GASK1B: variants seen among roughly 807,000 people sequenced by gnomAD.
GASK1B encodes Golgi-associated kinase 1B.
Under a neutral mutation model 42.8 loss-of-function variants are expected in GASK1B, and 34 were observed. That is an observed-to-expected ratio of 0.79 (90% CI 0.60 to 1.06). The LOEUF is 1.06. Among genes scored for constraint, GASK1B ranks in the 50% least tolerant of loss-of-function variants. The pLI, the probability that GASK1B is intolerant of heterozygous loss-of-function variation, is 0.00. For synonymous variants in GASK1B, 262 were observed against 259.1 expected, an observed-to-expected ratio of 1.01 and a Z score of -0.11; for missense variants, 686 against 661.0, an observed-to-expected ratio of 1.04 and a Z score of -0.42.
intron 3 of GASK1B, among the ~76,000 whole-genome samples, chr4:158,154,467 T>C (rs1731682402): frequency 6.6e-6 from 1 of 152,064 alleles, no homozygotes; most frequent in Non-Finnish European, 1.5e-5. Context: ...CTTAAAGAAC[T>C]AAAAGTAGAT....
At chr4:158,146,574 T>G (rs1471275833) in intron 3 of GASK1B, among the ~76,000 whole-genome samples, 1 of 152,154 alleles carries the variant, frequency 6.6e-6, no homozygotes, top group South Asian at 2.1e-4. Flanking sequence ...TTATTCCTAT[T>G]TTACAGATGA....
intron 3 of GASK1B, among the ~76,000 whole-genome samples, chr4:158,144,831 C>T (rs2110964419): frequency 6.6e-6 from 1 of 152,292 alleles, no homozygotes; most frequent in Middle Eastern, 3.4e-3. Flanking sequence ...CATTCGTTTG[C>T]TTGAACTTAC....
chr4:158,131,497 C>T (rs1044871966), intron 3 of GASK1B, among the ~76,000 whole-genome samples: 4 of 152,142 alleles, frequency 2.6e-5, no homozygotes, highest in Non-Finnish European at 5.9e-5. Flanking sequence ...AACTTGAAAT[C>T]ACATAGAAGA....
intron 2 of GASK1B, chr4:158,168,385 T>G (rs1481257004): frequency 6.6e-6 from 1 of 152,202 alleles, no homozygotes; most frequent in Non-Finnish European, 1.5e-5. Context: ...TGAGCAGTTT[T>G]AGTCATAGTC....
intron 4 of GASK1B, among the ~76,000 whole-genome samples, chr4:158,128,197 C>T (rs1253821421): frequency 6.6e-6 from 1 of 152,102 alleles, no homozygotes; most frequent in African/African-American, 2.4e-5. Context: ...ACTCCTGGAG[C>T]TCTGAGGATT....
At chr4:158,152,933 A>T (rs558485722) in intron 3 of GASK1B, among the ~76,000 whole-genome samples, 5 of 152,182 alleles carry the variant, frequency 3.3e-5, no homozygotes, top group Non-Finnish European at 7.4e-5. Context: ...CCCCCTGAAA[A>T]CTGGAACAAG....
Position 158,170,327 on chromosome 4 carries a change from A to G in GASK1B, c.910+139T>C, listed in dbSNP as rs376585720. 2.5e-6 allele frequency: 4 copies of G among 1,614,160 alleles called. No individual in the cohort carries two copies. In the African/African-American group the frequency reaches 4.0e-5, roughly 16 times the overall value. ...AAAATAAAGAATGCCAAGCGCATGG[A>G]AAGACACGCTGCTGCTGCTGCTGTC... On this transcript the variant is annotated intron_variant, in intron 2 of 4. Transcript: ENST00000585682.
intron 3 of GASK1B, 90 bp from the exon 4 acceptor site, chr4:158,131,102 T>A: frequency 9.2e-7 from 1 of 1,083,716 alleles, no homozygotes; most frequent in South Asian, 1.5e-5. Flanking sequence ...GCTTTCTGAA[T>A]AGCTGACTTG....
intron 3 of GASK1B, 30 bp from the exon 4 acceptor site, chr4:158,131,042 G>A (rs746606685): frequency 1.3e-6 from 2 of 1,576,790 alleles, no homozygotes; most frequent in Non-Finnish European, 1.7e-6. Flanking sequence ...AATCCAAGAT[G>A]CTGAGTGAAA....
chr4:158,159,203 G>C (rs1407988096), intron 2 of GASK1B, among the ~76,000 whole-genome samples: 1 of 152,096 alleles, frequency 6.6e-6, no homozygotes, highest in Non-Finnish European at 1.5e-5. Context: ...CTAGAAATCA[G>C]TGCACCTCAG....
intron 3 of GASK1B, among the ~76,000 whole-genome samples, chr4:158,131,801 T>C (rs1730693784): frequency 6.6e-6 from 1 of 152,218 alleles, no homozygotes; most frequent in South Asian, 2.1e-4. Flanking sequence ...ACTTCTGAGC[T>C]CTGCAACCTT....
At chr4:158,133,900 T>A (rs914670708) in intron 3 of GASK1B, among the ~76,000 whole-genome samples, 4 of 151,874 alleles carry the variant, frequency 2.6e-5, no homozygotes, top group African/African-American at 9.7e-5. Context: ...GGCATATGTG[T>A]GTGTGTGTGT....
chr4:158,131,833 C>A (rs572611800), intron 3 of GASK1B, among the ~76,000 whole-genome samples: 2 of 151,142 alleles, frequency 1.3e-5, no homozygotes, highest in South Asian at 4.2e-4. Flanking sequence ...TTTCCATCAC[C>A]GACTCTCAAT....
At chr4:158,148,486 C>T (rs111997239) in intron 3 of GASK1B, among the ~76,000 whole-genome samples, 22 of 152,096 alleles carry the variant, frequency 1.4e-4, no homozygotes, top group African/African-American at 5.3e-4. Flanking sequence ...TACATAAGTC[C>T]ACTCTCTCAA....
At position 158,130,959 on chromosome 4, in the gene GASK1B, A is replaced by G. The variant is rs766727296; in HGVS notation, c.1179T>C (p.Asp393=). Residue 393 remains aspartate, a synonymous_variant, in exon 4 of 5, where the codon GAT becomes GAC. Coordinates refer to ENST00000585682, the MANE Select transcript of GASK1B (RefSeq NM_001128424.2). The part of the protein sequence containing the change: ...NCCGFRPRKE[D]ACVQNGLRPK... ...GCCTCAATCCATTCTGTACACAGGC[A>G]TCTTCCTTGCGAGGTCTGAATCCAC... 3.7e-6 allele frequency: 6 copies of G among 1,614,002 alleles called. No homozygotes were observed. The Admixed American group carries it at 8.3e-5, about 22-fold the overall frequency.
chr4:158,167,388 G>A (rs1472424247), intron 2 of GASK1B, among the ~76,000 whole-genome samples: 3 of 152,090 alleles, frequency 2.0e-5, no homozygotes, highest in Non-Finnish European at 2.9e-5. Flanking sequence ...ATTGTAAGGA[G>A]GCTACCAAAA....
intron 3 of GASK1B, among the ~76,000 whole-genome samples, chr4:158,136,160 G>A (rs535295456): frequency 9.9e-5 from 15 of 152,196 alleles, no homozygotes; most frequent in East Asian, 5.8e-4. Flanking sequence ...TGTGAGTGGC[G>A]CAATAGGAGA....
In GASK1B at chr4:158,158,314, C is replaced by T. The variant is rs141837763; in HGVS notation, c.911-2489G>A. Among the ~76,000 whole-genome samples the T allele has an allele frequency of 8.0e-3, 1,225 of 152,178 alleles. 15 individuals carry two copies. The highest frequency in any genetic ancestry group is 0.028 in the African/African-American group (1,161 of 41,550). ...ATTACATATATACATCACATAATCA[C>T]ATAATTCATCAGGCTTCAACTGACC... On this transcript the variant is annotated intron_variant, in intron 2 of 4. Transcript: ENST00000585682.
At chr4:158,130,199 ATAC>A (rs1231116008) in intron 4 of GASK1B, among the ~76,000 whole-genome samples, 1 of 152,152 alleles carries the variant, frequency 6.6e-6, no homozygotes, top group Non-Finnish European at 1.5e-5. Context: ...CAGGTGTTAG[ATAC>A]TTTTCCCCTT....
Sources: allele counts gnomAD v4.1 joint callset (sites outside exome capture counted in the v4.1 genomes callset), GRCh38; gene constraint gnomAD v4.1.1; transcripts MANE v1.5; gene names NCBI Gene and HGNC (gene_info 2026-07-23, HGNC 2026-07-21).